Variants in UGT1A8 observed in about 807,000 individuals in gnomAD.
UGT1A8 encodes the protein UDP-glucuronosyltransferase 1A8.
UGT1A8 carries 39 observed loss-of-function variants against 45.3 expected under a neutral mutation model. The observed-to-expected ratio is 0.86, with a 90% CI of 0.67 to 1.12. The LOEUF is 1.12. Among genes scored for constraint, UGT1A8 ranks in the 50% most tolerant of loss-of-function variants. The pLI is 0.00. For synonymous variants in UGT1A8, 275 were observed against 249.2 expected, an observed-to-expected ratio of 1.10 and a Z score of -0.97; for missense variants, 719 against 664.9, an observed-to-expected ratio of 1.08 and a Z score of -0.90.
intron 1 of UGT1A8, among the ~76,000 whole-genome samples, chr2:233,646,313 T>C (rs1431882268): frequency 1.3e-5 from 2 of 151,966 alleles, no homozygotes; most frequent in African/African-American, 2.4e-5. Context: ...TGACATGCCC[T>C]GGAGACATTT....
intron 1 of UGT1A8, among the ~76,000 whole-genome samples, chr2:233,643,500 C>G (rs1037471196): frequency 1.3e-5 from 2 of 152,106 alleles, no homozygotes; most frequent in African/African-American, 2.4e-5. Flanking sequence ...CGAGTCAAGT[C>G]CTGGAATCAG....
intron 1 of UGT1A8, among the ~76,000 whole-genome samples, chr2:233,696,839 C>T (rs1177770850): frequency 6.6e-6 from 1 of 152,168 alleles, no homozygotes. Flanking sequence ...CATAAAGGGA[C>T]GTTGAATTTT....
intron 1 of UGT1A8, among the ~76,000 whole-genome samples, chr2:233,728,307 G>A (rs539087597): frequency 3.9e-5 from 6 of 152,202 alleles, no homozygotes; most frequent in Admixed American, 1.3e-4. Context: ...GACTGTGCAA[G>A]ATCTGAGGCC....
Position 233,772,689 on chromosome 2 carries a change from A to G in UGT1A8, c.*130A>G. ...CTTTGCATAAATTAATCAGCCCCAG[A>G]GTGCTTTAAAAAATTCTCTTAAATA... On this transcript the variant is annotated 3_prime_UTR_variant, in exon 5 of 5. Transcript: ENST00000373450. 6.7e-7 allele frequency: 1 copy of G among 1,492,458 alleles called. No homozygotes were observed. Among genetic ancestry groups the G allele is most frequent in the Non-Finnish European group, 8.9e-7 (1 of 1,128,008 alleles). The allele number at this position is 1,492,458 out of a possible 1,614,324, so 92.5% of individuals were successfully genotyped here. A position where few individuals can be genotyped will look rare whatever the true frequency, so the allele number is the denominator to read the frequency against.
At chr2:233,692,808 G>T in intron 1 of UGT1A8, 2 of 1,410,854 alleles carry the variant, frequency 1.4e-6, no homozygotes, top group South Asian at 1.5e-5. Flanking sequence ...GGCCATAGTT[G>T]GTTCATATTA....
At chr2:233,711,571 A>G (rs1167156612) in intron 1 of UGT1A8, among the ~76,000 whole-genome samples, 2 of 152,222 alleles carry the variant, frequency 1.3e-5, no homozygotes, top group African/African-American at 4.8e-5. Flanking sequence ...AAGCCCTTGC[A>G]GGCCTGCCTT....
chr2:233,695,130 C>CT (rs71398796), intron 1 of UGT1A8, among the ~76,000 whole-genome samples: 83 of 138,832 alleles, frequency 6.0e-4, no homozygotes, highest in East Asian at 2.3e-3. Context: ...CTTTTCTTTT[C>CT]TTTTTTTTTT....
intron 1 of UGT1A8, among the ~76,000 whole-genome samples, chr2:233,666,092 T>G (rs1157584556): frequency 1.3e-5 from 2 of 152,208 alleles, no homozygotes; most frequent in Non-Finnish European, 2.9e-5. Context: ...TCAGGCTACT[T>G]CCACTCATGG....
At chr2:233,750,863 G>A (rs1036231248) in intron 1 of UGT1A8, 1 of 151,894 alleles carries the variant, frequency 6.6e-6, no homozygotes, top group Non-Finnish European at 1.5e-5. Context: ...CCAGGCAGAA[G>A]TTTGCTGCAT....
At chr2:233,760,143 G>C (rs2125979116) in intron 1 of UGT1A8, 1 of 1,431,624 alleles carries the variant, frequency 7.0e-7, no homozygotes, top group Non-Finnish European at 9.3e-7. Flanking sequence ...ATCTCTGAAA[G>C]TGAACTCCCT....
intron 1 of UGT1A8, among the ~76,000 whole-genome samples, chr2:233,707,484 T>TA (rs1234449906): frequency 6.6e-6 from 1 of 152,176 alleles, no homozygotes; most frequent in Admixed American, 6.5e-5. Context: ...CAGATGATTT[T>TA]ACCTGTTTCG....
chr2:233,652,195 T>C (rs969472538), intron 1 of UGT1A8, among the ~76,000 whole-genome samples: 11 of 152,166 alleles, frequency 7.2e-5, no homozygotes, highest in African/African-American at 2.7e-4. Context: ...TCTGGTTCCA[T>C]TGTGAGATTC....
chr2:233,619,394 A>G (rs1261945674), intron 1 of UGT1A8, among the ~76,000 whole-genome samples: 2 of 152,094 alleles, frequency 1.3e-5, no homozygotes, highest in Non-Finnish European at 2.9e-5. Flanking sequence ...GGCTGTGTAA[A>G]CATTCTTTAA....
chr2:233,738,818 A>T (rs779696858), intron 1 of UGT1A8: 1 of 152,242 alleles, frequency 6.6e-6, no homozygotes. Context: ...AGAAATTTGA[A>T]TAAATAAGGA....
chr2:233,768,064 A>G, intron 3 of UGT1A8, 128 bp downstream of exon 3: 1 of 1,598,982 alleles, frequency 6.3e-7, no homozygotes, highest in Non-Finnish European at 8.5e-7. Flanking sequence ...ATTGCTTTTT[A>G]TCTAGTGGGG....
chr2:233,759,159 A>G (rs1697070842), intron 1 of UGT1A8, among the ~76,000 whole-genome samples: 1 of 152,222 alleles, frequency 6.6e-6, no homozygotes, highest in Admixed American at 6.5e-5. Context: ...CACAGAACAC[A>G]AGGCAGGCAG....
At chr2:233,761,619 G>A (rs34165552) in intron 1 of UGT1A8, among the ~76,000 whole-genome samples, 1 of 152,358 alleles carries the variant, frequency 6.6e-6, no homozygotes, top group Non-Finnish European at 1.5e-5. Context: ...ATTCTGATAA[G>A]AAGCTAAATC....
At chr2:233,725,255 A>AGAG in intron 1 of UGT1A8, among the ~76,000 whole-genome samples, 1 of 64,006 alleles carries the variant, frequency 1.6e-5, no homozygotes, top group African/African-American at 1.3e-4. Context: ...CAGAGGAGGC[A>AGAG]GAGGCAGAGG....
chr2:233,624,787 A>G (rs991402526), intron 1 of UGT1A8, among the ~76,000 whole-genome samples: 1 of 152,176 alleles, frequency 6.6e-6, no homozygotes, highest in Non-Finnish European at 1.5e-5. Flanking sequence ...GAATTTTCCA[A>G]TTCATTAACA....
Sources: allele counts gnomAD v4.1 joint callset (sites outside exome capture counted in the v4.1 genomes callset), GRCh38; gene constraint gnomAD v4.1.1; transcripts MANE v1.5; gene names NCBI Gene and HGNC (gene_info 2026-07-23, HGNC 2026-07-21).